The following MAPK10 variants were observed in gnomAD, a reference collection of about 807,000 sequenced individuals.
MAPK10 encodes JNK3 alpha protein kinase.
Under a neutral mutation model 59.3 loss-of-function variants are expected in MAPK10, and 25 were observed. The observed-to-expected ratio is 0.42, with a 90% CI of 0.31 to 0.59. The LOEUF is 0.59. Ranked by LOEUF, MAPK10 falls within the 20% of genes least tolerant of loss-of-function variation. The pLI is 0.15. For synonymous variants in MAPK10, 190 were observed against 200.5 expected, an observed-to-expected ratio of 0.95 and a Z score of 0.44; for missense variants, 351 against 568.9, an observed-to-expected ratio of 0.62 and a Z score of 3.90.
At chr4:86,441,805 T>TC in intron 1 of MAPK10, among the ~76,000 whole-genome samples, 1 of 152,134 alleles carries the variant, frequency 6.6e-6, no homozygotes, top group East Asian at 1.9e-4. Flanking sequence ...GCATCCAGGC[T>TC]CCCCCTATTG....
intron 3 of MAPK10, among the ~76,000 whole-genome samples, chr4:86,159,706 C>T (rs546387990): frequency 3.3e-5 from 5 of 152,042 alleles, no homozygotes; most frequent in African/African-American, 1.2e-4. Flanking sequence ...TTATAATAGA[C>T]TAATCTTAGA....
intron 13 of MAPK10, among the ~76,000 whole-genome samples, chr4:86,023,144 C>A (rs1377669056): frequency 6.6e-6 from 1 of 152,186 alleles, no homozygotes; most frequent in African/African-American, 2.4e-5. Context: ...GGCCCACCTT[C>A]ATTCTTTTGC....
At chr4:86,177,356 C>T (rs192904323) in intron 3 of MAPK10, among the ~76,000 whole-genome samples, 7 of 152,208 alleles carry the variant, frequency 4.6e-5, no homozygotes, top group Admixed American at 3.9e-4. Context: ...TTGCCCTGCT[C>T]TGCCAAAAAT....
chr4:86,448,032 A>T (rs1750243354), intron 1 of MAPK10, among the ~76,000 whole-genome samples: 1 of 152,220 alleles, frequency 6.6e-6, no homozygotes, highest in African/African-American at 2.4e-5. Context: ...AATGAAAATA[A>T]TAATGGTTCC....
intron 1 of MAPK10, among the ~76,000 whole-genome samples, chr4:86,484,660 T>G (rs892609406): frequency 2.0e-5 from 3 of 152,194 alleles, no homozygotes; most frequent in African/African-American, 7.2e-5. Flanking sequence ...GACCAGGCAT[T>G]ATGCTTGAGC....
At chr4:86,126,680 T>C (rs1016531951) in intron 4 of MAPK10, among the ~76,000 whole-genome samples, 3 of 152,118 alleles carry the variant, frequency 2.0e-5, no homozygotes, top group African/African-American at 7.2e-5. Context: ...TACAACTGTA[T>C]AAGTATACAT....
intron 2 of MAPK10, among the ~76,000 whole-genome samples, chr4:86,212,959 C>T (rs1308548277): frequency 1.3e-5 from 2 of 152,060 alleles, no homozygotes; most frequent in African/African-American, 2.4e-5. Context: ...GGACATATTC[C>T]AGAATAGGCC....
At chr4:86,591,912 T>A (rs7663758) in intron 1 of MAPK10, among the ~76,000 whole-genome samples, 10 of 152,090 alleles carry the variant, frequency 6.6e-5, no homozygotes, top group Admixed American at 5.2e-4. Flanking sequence ...GGAATAATTA[T>A]GATGTTATGT....
At chr4:86,406,104 G>C (rs1345031600) in intron 1 of MAPK10, among the ~76,000 whole-genome samples, 1 of 152,150 alleles carries the variant, frequency 6.6e-6, no homozygotes, top group African/African-American at 2.4e-5. Flanking sequence ...ACAGGTAAAG[G>C]AGAGACCTAT....
rs1006652094 is a variant in MAPK10 at position 86,093,586 on chromosome 4, C to T, written c.802+4938G>A. On this transcript the variant is annotated intron_variant, in intron 9 of 13. Transcript: ENST00000641462. Reference sequence around the variant, plus strand: ...AGAATTCTAAAAGACCACTGATATACATAAATAAACTAAGAATGTACATAT... The same window carrying T: ...AGAATTCTAAAAGACCACTGATATATATAAATAAACTAAGAATGTACATAT... Among the ~76,000 whole-genome samples the T allele has an allele frequency of 3.3e-5, 5 of 151,836 alleles. No individual in the cohort carries two copies. In the South Asian group the frequency reaches 6.2e-4, roughly 19 times the overall value.
intron 2 of MAPK10, among the ~76,000 whole-genome samples, chr4:86,311,873 C>T (rs56107403): frequency 0.027 from 4,061 of 152,130 alleles, 171 homozygotes; most frequent in African/African-American, 0.091. Context: ...CTCGATCAGA[C>T]TCTATCTCTC....
At chr4:86,336,490 T>G (rs1054990045) in intron 2 of MAPK10, 2 of 152,296 alleles carry the variant, frequency 1.3e-5, no homozygotes, top group Non-Finnish European at 2.9e-5. Context: ...CCTTCCACTT[T>G]TATCAAGTAA....
At chr4:86,034,709 T>G (rs2039826616) in intron 11 of MAPK10, among the ~76,000 whole-genome samples, 1 of 152,140 alleles carries the variant, frequency 6.6e-6, no homozygotes, top group Non-Finnish European at 1.5e-5. Context: ...GAAACCTGTA[T>G]ATGGTCTAAG....
intron 1 of MAPK10, among the ~76,000 whole-genome samples, chr4:86,492,949 T>C (rs143380422): frequency 2.4e-4 from 36 of 152,336 alleles, no homozygotes; most frequent in Middle Eastern, 6.8e-3. Context: ...TGAGTCCTTG[T>C]GGATGAACTG....
chr4:86,582,759 T>C (rs1762390598), intron 1 of MAPK10, among the ~76,000 whole-genome samples: 1 of 152,208 alleles, frequency 6.6e-6, no homozygotes, highest in Non-Finnish European at 1.5e-5. Context: ...CTTTCTATAG[T>C]AGCTGAGAAA....
intron 1 of MAPK10, among the ~76,000 whole-genome samples, chr4:86,544,740 T>C (rs1303181807): frequency 6.6e-6 from 1 of 152,228 alleles, no homozygotes; most frequent in Non-Finnish European, 1.5e-5. Context: ...TCAGGGACAA[T>C]AGTTGTATTG....
At chr4:86,563,854 C>T (rs150893101) in intron 1 of MAPK10, among the ~76,000 whole-genome samples, 4,315 of 152,074 alleles carry the variant, frequency 0.028, 215 homozygotes, top group African/African-American at 0.098. Context: ...TTTTTTGAGA[C>T]GGAGTCTCAT....
At chr4:86,579,498 C>A (rs1578170211) in intron 1 of MAPK10, among the ~76,000 whole-genome samples, 2 of 144,974 alleles carry the variant, frequency 1.4e-5, no homozygotes, top group South Asian at 4.5e-4. Flanking sequence ...TAAATACAAG[C>A]AAATATGGAT....
At chr4:86,201,076 A>G (rs570130799) in intron 2 of MAPK10, among the ~76,000 whole-genome samples, 13 of 151,976 alleles carry the variant, frequency 8.6e-5, no homozygotes, top group Non-Finnish European at 2.9e-5. Flanking sequence ...TAGTTCCCAC[A>G]TATGAGTGAG....
Sources: gnomAD v4.1 joint callset for allele counts (sites outside exome capture counted in the v4.1 genomes callset) on GRCh38, gnomAD v4.1.1 for gene constraint, MANE v1.5 for transcripts, NCBI Gene and HGNC (gene_info 2026-07-23, HGNC 2026-07-21) for gene names.